FLT3: variants seen among roughly 807,000 people sequenced by gnomAD.
FLT3 encodes the protein fms related receptor tyrosine kinase 3, also known as receptor-type tyrosine-protein kinase FLT3.
In FLT3, 46 loss-of-function variants were observed where a neutral mutation model predicts 126.6. The observed-to-expected ratio is 0.36, with a 90% CI of 0.29 to 0.46. The LOEUF (loss-of-function observed/expected upper bound fraction) is 0.46. FLT3 is among the 20% of genes least tolerant of loss of function. FLT3 has a pLI of 1.00. For synonymous variants in FLT3, 404 were observed against 434.4 expected, an observed-to-expected ratio of 0.93 and a Z score of 0.87; for missense variants, 1,069 against 1,190.3, an observed-to-expected ratio of 0.90 and a Z score of 1.50.
chr13:28,051,517 G>A (rs1875460351), intron 5 of FLT3, among the ~76,000 whole-genome samples: 1 of 146,312 alleles, frequency 6.8e-6, no homozygotes, highest in South Asian at 2.2e-4. Context: ...GATTACAGGT[G>A]TGAGCCACTG....
At position 28,023,436 on chromosome 13, in the gene FLT3, C is replaced by T. The variant is rs764151292; in HGVS notation, c.2332G>A (p.Glu778Lys). 2 of 1,613,824 alleles carry T rather than the reference C, an allele frequency of 1.2e-6. No homozygotes were observed. The highest frequency in any genetic ancestry group is 1.7e-6 in the Non-Finnish European group (2 of 1,179,854). Reference protein sequence around the residue: ...YENQKRLEEEEDLNVLTFEDL... With the variant: ...YENQKRLEEEKDLNVLTFEDL... ...TCAAATGTAAGCACATTCAAGTCCT[C>T]CTCTTCTTCCAGCCTTTTTTGGTTT... The change falls in exon 19 of 24, where the codon GAG becomes AAG. Residue 778 changes from glutamate (E) to lysine (K), a missense_variant. Physicochemically the swap from Glu to Lys is moderately conservative, Grantham distance 56. Coordinates refer to ENST00000241453, the MANE Select transcript of FLT3 (RefSeq NM_004119.3).
At chr13:28,054,107 A>G (rs949241227) in intron 4 of FLT3, among the ~76,000 whole-genome samples, 6 of 152,206 alleles carry the variant, frequency 3.9e-5, no homozygotes. Context: ...CATTCTTAAG[A>G]GTGGAACTGC....
intron 4 of FLT3, among the ~76,000 whole-genome samples, chr13:28,053,508 C>T (rs1875736881): frequency 6.6e-6 from 1 of 151,354 alleles, no homozygotes; most frequent in Non-Finnish European, 1.5e-5. Flanking sequence ...TTAATAAATA[C>T]CTTTTGATCT....
At chr13:28,074,029 T>C (rs1877760279) in intron 1 of FLT3, among the ~76,000 whole-genome samples, 1 of 152,154 alleles carries the variant, frequency 6.6e-6, no homozygotes, top group Non-Finnish European at 1.5e-5. Context: ...AGTTTCCTTA[T>C]GAAGCTTTGA....
Position 28,048,367 on chromosome 13 carries a change from G to C in FLT3, c.1113C>G (p.Val371=). The C allele has an allele frequency of 1.2e-6, 2 of 1,612,632 alleles. No individual in the cohort carries two copies. Among genetic ancestry groups the C allele is most frequent in the Non-Finnish European group, 1.7e-6 (2 of 1,178,694 alleles). Reference sequence around the variant, plus strand: ...TGATTTGTGGGTAGGCTTTAAACCTGACAGAAAAACAAAACTCTTCATATT... The same window carrying C: ...TGATTTGTGGGTAGGCTTTAAACCTCACAGAAAAACAAAACTCTTCATATT... The part of the protein sequence containing the change: ...IDQYEEFCFS[V]RFKAYPQIRC... The change falls in exon 9 of 24, where the codon GTC becomes GTG. Residue 371 remains valine, a synonymous_variant. Coordinates refer to ENST00000241453, the MANE Select transcript of FLT3 (RefSeq NM_004119.3).
At chr13:28,073,160 G>C (rs2137794764) in intron 1 of FLT3, among the ~76,000 whole-genome samples, 1 of 152,184 alleles carries the variant, frequency 6.6e-6, no homozygotes, top group African/African-American at 2.4e-5. Context: ...GGGCAACCCA[G>C]TAAAAGCATA....
At position 28,015,270 on chromosome 13, in the gene FLT3, T is replaced by C; in HGVS notation, c.2654-14A>G. The C allele has an allele frequency of 6.7e-7, 1 of 1,486,364 alleles. No homozygotes were observed. The highest frequency in any genetic ancestry group is 1.1e-5 in the South Asian group (1 of 87,780). The allele number at this position is 1,486,364 out of a possible 1,614,324, so 92.1% of individuals were successfully genotyped here. A position where few individuals can be genotyped will look rare whatever the true frequency, so the allele number is the denominator to read the frequency against. ...AAGGATTCACACCTGAGGAAAACAT[T>C]AGACAATTGCAGCCATTCATCCATT... On this transcript the variant is annotated splice_polypyrimidine_tract_variant and intron_variant, in intron 21 of 23. Transcript: ENST00000241453.
intron 1 of FLT3, among the ~76,000 whole-genome samples, chr13:28,072,538 G>A (rs903343350): frequency 3.3e-5 from 5 of 152,052 alleles, no homozygotes; most frequent in African/African-American, 9.7e-5. Context: ...CTGGGATCAC[G>A]GGTGTGCGCC....
At chr13:28,081,853 T>C (rs1240310973) in intron 1 of FLT3, among the ~76,000 whole-genome samples, 10 of 85,918 alleles carry the variant, frequency 1.2e-4, no homozygotes, top group Admixed American at 2.4e-4. Flanking sequence ...TCTTTTTTTT[T>C]TTTTTTTTTT....
At chr13:28,015,538 G>T in intron 21 of FLT3, 52 bp downstream of exon 21, 2 of 1,008,574 alleles carry the variant, frequency 2.0e-6, no homozygotes, top group Non-Finnish European at 3.1e-6. Flanking sequence ...CACCGAGAGA[G>T]CAGAGGATGC....
chr13:28,031,758 AAAG>A (rs1394163553), intron 15 of FLT3, among the ~76,000 whole-genome samples: 1 of 152,132 alleles, frequency 6.6e-6, no homozygotes, highest in Non-Finnish European at 1.5e-5. Context: ...GGGGGAACTG[AAAG>A]AAGGCCAGCG....
chr13:28,033,380 T>C (rs61944701), intron 15 of FLT3, among the ~76,000 whole-genome samples: 26,839 of 152,142 alleles, frequency 0.18, 2,465 homozygotes, highest in Admixed American at 0.24. Flanking sequence ...AAAAACTAAA[T>C]AGGCCTGGCA....
At chr13:28,024,129 CTTT>C (rs1872622651) in intron 18 of FLT3, among the ~76,000 whole-genome samples, 1 of 98,804 alleles carries the variant, frequency 1.0e-5, no homozygotes, top group Non-Finnish European at 2.4e-5. Context: ...CTTTTTTTTT[CTTT>C]CTTTCTTTTT....
At position 28,014,538 on chromosome 13, in the gene FLT3, A is replaced by C; in HGVS notation, c.2773T>G (p.Cys925Gly). The change falls in exon 23 of 24, where the codon TGC (cysteine) becomes GGC (glycine). Residue 925 changes from cysteine to glycine, a missense_variant. By Grantham distance (159) the Cys-to-Gly change is radical. Transcript: ENST00000241453. Reference sequence around the variant, plus strand: ...CGTTTCCTTGAGTCAAAAGCCCAGCAGGATTGCATTATAATGTATCTGTAA... The same window carrying C: ...CGTTTCCTTGAGTCAAAAGCCCAGCCGGATTGCATTATAATGTATCTGTAA... ...TEEIYIIMQSCWAFDSRKRPS... is the reference protein window; with the variant it reads ...TEEIYIIMQSGWAFDSRKRPS... The C allele has an allele frequency of 6.2e-7, 1 of 1,613,546 alleles. No homozygotes were observed. Among genetic ancestry groups the C allele is most frequent in the Non-Finnish European group, 8.5e-7 (1 of 1,179,446 alleles).
intron 1 of FLT3, among the ~76,000 whole-genome samples, chr13:28,093,812 AC>A (rs772497733): frequency 1.3e-5 from 2 of 151,952 alleles, no homozygotes; most frequent in African/African-American, 4.8e-5. Context: ...TCCCACCAAC[AC>A]CCCTAACATT....
At chr13:28,082,829 G>A (rs1037901305) in intron 1 of FLT3, among the ~76,000 whole-genome samples, 2 of 151,892 alleles carry the variant, frequency 1.3e-5, no homozygotes, top group African/African-American at 4.8e-5. Context: ...TCAGCCTCCC[G>A]AGTAGCTGGG....
chr13:28,020,155 C>A lies in FLT3; in HGVS notation c.2419-1566G>T, dbSNP rs567076339. On this transcript the variant is annotated intron_variant, in intron 19 of 23. Transcript: ENST00000241453. ...TTCCTATCCTATCCCACATTCCCTG[C>A]TGGTTTTCCTTTTCCTTCAAAAATC... Among the ~76,000 whole-genome samples the A allele has an allele frequency of 1.6e-4, 24 of 152,150 alleles. No homozygotes were observed. The East Asian group carries it at 4.5e-3, about 28-fold the overall frequency.
In FLT3 at chr13:28,018,326, G is replaced by T. The variant is rs1016145861; in HGVS notation, c.2541+141C>A. 5 of 878,428 alleles carry T rather than the reference G, an allele frequency of 5.7e-6. No homozygotes were observed. In the African/African-American group the frequency reaches 8.5e-5, roughly 15 times the overall value. The allele number at this position is 878,428 out of a possible 1,614,324, so 54.4% of individuals were successfully genotyped here. ...CTGAAGCTGCAGAAAAACCTTTTAA[G>T]CATAAGTAAGCAGACTGCTGTGAGG... On this transcript the variant is annotated intron_variant, in intron 20 of 23. Transcript: ENST00000241453.
At chr13:28,050,636 G>A (rs78999685) in intron 5 of FLT3, among the ~76,000 whole-genome samples, 3,516 of 152,222 alleles carry the variant, frequency 0.023, 75 homozygotes, top group Non-Finnish European at 0.035. Flanking sequence ...ACGCAGTAAG[G>A]GAGGGGGAAG....
Sources: gnomAD v4.1 joint callset for allele counts (sites outside exome capture counted in the v4.1 genomes callset) on GRCh38, gnomAD v4.1.1 for gene constraint, MANE v1.5 for transcripts, NCBI Gene and HGNC (gene_info 2026-07-23, HGNC 2026-07-21) for gene names.